The following CSGALNACT1 variants were observed in gnomAD, a reference collection of about 807,000 sequenced individuals.
The protein encoded by CSGALNACT1 is beta4GalNAcT-1.
In CSGALNACT1, 52 loss-of-function variants were observed where a neutral mutation model predicts 51.0. The observed-to-expected ratio is 1.02, with a 90% CI of 0.82 to 1.29. The LOEUF (loss-of-function observed/expected upper bound fraction) is 1.29. CSGALNACT1 is among the 50% of genes most tolerant of loss of function. The pLI is 0.00. For synonymous variants in CSGALNACT1, 341 were observed against 254.4 expected, an observed-to-expected ratio of 1.34 and a Z score of -3.24; for missense variants, 935 against 679.2, an observed-to-expected ratio of 1.38 and a Z score of -4.19.
intron 2 of CSGALNACT1, among the ~76,000 whole-genome samples, chr8:19,597,285 CTTTTTTTTTTTTT>C (rs35177349): frequency 3.1e-5 from 2 of 64,528 alleles, no homozygotes; most frequent in East Asian, 6.0e-4. Flanking sequence ...TATCTTCTTT[CTTTTTTTTTTTTT>C]TTTTTTTTTT....
chr8:19,578,808 G>A (rs1261328131), intron 3 of CSGALNACT1, among the ~76,000 whole-genome samples: 1 of 152,088 alleles, frequency 6.6e-6, no homozygotes, highest in African/African-American at 2.4e-5. Flanking sequence ...GGTCACCCCT[G>A]ATTTCCATAT....
chr8:19,618,915 A>G (rs2053445841), intron 1 of CSGALNACT1, among the ~76,000 whole-genome samples: 1 of 152,174 alleles, frequency 6.6e-6, no homozygotes, highest in African/African-American at 2.4e-5. Context: ...AAGAGAAGAG[A>G]AATTTTAATG....
chr8:19,567,485 T>A (rs1293872667), intron 3 of CSGALNACT1, among the ~76,000 whole-genome samples: 1 of 152,200 alleles, frequency 6.6e-6, no homozygotes, highest in Non-Finnish European at 1.5e-5. Flanking sequence ...ACTTCCTTAA[T>A]CTGATGAAGG....
At chr8:19,739,365 C>G (rs1481344857) in intron 1 of CSGALNACT1, among the ~76,000 whole-genome samples, 1 of 152,058 alleles carries the variant, frequency 6.6e-6, no homozygotes, top group Non-Finnish European at 1.5e-5. Flanking sequence ...TACAGGTAGC[C>G]TGTAGGCTTC....
chr8:19,569,453 C>A (rs1000328918), intron 3 of CSGALNACT1, among the ~76,000 whole-genome samples: 7 of 151,904 alleles, frequency 4.6e-5, no homozygotes, highest in Non-Finnish European at 5.9e-5. Flanking sequence ...GAACCCAGTA[C>A]TGAATATTGC....
At chr8:19,676,662 A>C (rs2060214231) in intron 1 of CSGALNACT1, among the ~76,000 whole-genome samples, 1 of 152,002 alleles carries the variant, frequency 6.6e-6, no homozygotes, top group African/African-American at 2.4e-5. Flanking sequence ...CATTTGCAGA[A>C]ACAGTCATGG....
At chr8:19,619,116 T>C (rs1307686108) in intron 1 of CSGALNACT1, among the ~76,000 whole-genome samples, 1 of 151,896 alleles carries the variant, frequency 6.6e-6, no homozygotes, top group Non-Finnish European at 1.5e-5. Context: ...TACAGGGCAC[T>C]ACAGAGGAGC....
chr8:19,607,747 T>C (rs2051596943), intron 1 of CSGALNACT1, among the ~76,000 whole-genome samples: 1 of 152,230 alleles, frequency 6.6e-6, no homozygotes, highest in African/African-American at 2.4e-5. Context: ...CTTAGGCAAG[T>C]TCTTAACTCC....
intron 8 of CSGALNACT1, among the ~76,000 whole-genome samples, chr8:19,416,550 G>C (rs1402635604): frequency 6.6e-6 from 1 of 152,146 alleles, no homozygotes; most frequent in African/African-American, 2.4e-5. Context: ...GCAAATTCTA[G>C]TCCTGTATTA....
intron 1 of CSGALNACT1, among the ~76,000 whole-genome samples, chr8:19,642,531 G>A (rs139128895): frequency 0.017 from 2,633 of 152,206 alleles, 81 homozygotes; most frequent in African/African-American, 0.06. Context: ...AGGACTTTGG[G>A]AGGCCAAGGA....
chr8:19,667,307 T>C (rs189857446), intron 1 of CSGALNACT1, among the ~76,000 whole-genome samples: 11 of 150,150 alleles, frequency 7.3e-5, no homozygotes, highest in African/African-American at 2.2e-4. Flanking sequence ...TTGTGGCACA[T>C]GCCCCTCATT....
intron 1 of CSGALNACT1, among the ~76,000 whole-genome samples, chr8:19,740,296 C>T (rs62494508): frequency 5.8e-4 from 89 of 152,264 alleles, no homozygotes; most frequent in Non-Finnish European, 9.9e-4. Context: ...GTGTCTCACC[C>T]GAGTCACATG....
chr8:19,692,380 T>C (rs2061376913), intron 1 of CSGALNACT1, among the ~76,000 whole-genome samples: 1 of 152,204 alleles, frequency 6.6e-6, no homozygotes, highest in Admixed American at 6.5e-5. Flanking sequence ...TCTTAAAGCA[T>C]AGTTACCATT....
chr8:19,731,032 T>C (rs2063662773), intron 1 of CSGALNACT1, among the ~76,000 whole-genome samples: 1 of 152,156 alleles, frequency 6.6e-6, no homozygotes, highest in African/African-American at 2.4e-5. Context: ...CCCACTGGAA[T>C]TAGGGGGTGT....
intron 3 of CSGALNACT1, among the ~76,000 whole-genome samples, chr8:19,544,994 C>G (rs17128628): frequency 0.15 from 22,808 of 148,826 alleles, 2,217 homozygotes; most frequent in East Asian, 0.28. Context: ...TCAGTCCATC[C>G]TTTCAGACAT....
intron 5 of CSGALNACT1, among the ~76,000 whole-genome samples, chr8:19,450,384 A>G (rs1434947622): frequency 6.6e-6 from 1 of 152,148 alleles, no homozygotes; most frequent in Admixed American, 6.5e-5. Context: ...AAGGAAACAG[A>G]AAAACAGCAG....
intron 3 of CSGALNACT1, among the ~76,000 whole-genome samples, chr8:19,506,954 C>T (rs964061375): frequency 2.0e-5 from 3 of 152,272 alleles, no homozygotes; most frequent in Middle Eastern, 3.4e-3. Flanking sequence ...TGCCAGCAGG[C>T]GTGGATGCAG....
At chr8:19,485,851 C>G (rs1490271867) in intron 4 of CSGALNACT1, among the ~76,000 whole-genome samples, 4 of 144,830 alleles carry the variant, frequency 2.8e-5, no homozygotes, top group African/African-American at 1.0e-4. Context: ...AGCACAACCT[C>G]TGCCTACCAG....
intron 8 of CSGALNACT1, among the ~76,000 whole-genome samples, chr8:19,412,112 C>A (rs1293499802): frequency 1.3e-5 from 2 of 152,182 alleles, no homozygotes; most frequent in Non-Finnish European, 2.9e-5. Context: ...GGATCACAGG[C>A]ATGGGCCACC....
Sources: allele counts gnomAD v4.1 joint callset (sites outside exome capture counted in the v4.1 genomes callset), GRCh38; gene constraint gnomAD v4.1.1; transcripts MANE v1.5; gene names NCBI Gene and HGNC (gene_info 2026-07-23, HGNC 2026-07-21).